The following EYS variants were observed in gnomAD, a reference collection of about 807,000 sequenced individuals.
EYS encodes the protein EGF-like photoreceptor maintenance factor, also known as protein eyes shut homolog.
In EYS, 250 loss-of-function variants were observed where a neutral mutation model predicts 282.1. That is an observed-to-expected ratio of 0.89 (90% CI 0.80 to 0.98). The LOEUF (loss-of-function observed/expected upper bound fraction) is 0.98. Ranked by LOEUF, EYS falls within the 50% of genes least tolerant of loss-of-function variation. EYS has a pLI of 0.00. For missense variants in EYS, 4,016 were observed against 3,709.0 expected, an observed-to-expected ratio of 1.08 and a Z score of -2.15; for synonymous variants, 1,355 against 1,282.9, an observed-to-expected ratio of 1.06 and a Z score of -1.20.
chr6:65,275,643 T>A (rs1470773762), intron 12 of EYS, among the ~76,000 whole-genome samples: 1 of 152,156 alleles, frequency 6.6e-6, no homozygotes, highest in African/African-American at 2.4e-5. Context: ...CATATATGGA[T>A]TCATGGGCTG....
At chr6:65,635,786 G>T (rs1211132554) in intron 2 of EYS, among the ~76,000 whole-genome samples, 1 of 152,020 alleles carries the variant, frequency 6.6e-6, no homozygotes, top group Non-Finnish European at 1.5e-5. Context: ...CAGGTTTTTT[G>T]CCTGTCTGAC....
chr6:64,334,140 T>C (rs1298501911), intron 29 of EYS, among the ~76,000 whole-genome samples: 2 of 152,204 alleles, frequency 1.3e-5, no homozygotes, highest in Non-Finnish European at 2.9e-5. Context: ...ACAATTCCTC[T>C]GTGTCAGACT....
At chr6:64,422,653 C>T (rs1774272852) in intron 28 of EYS, among the ~76,000 whole-genome samples, 1 of 152,200 alleles carries the variant, frequency 6.6e-6, no homozygotes, top group Non-Finnish European at 1.5e-5. Flanking sequence ...GTAATCTTCA[C>T]ATGATTATTA....
chr6:64,567,970 T>C (rs1398444256), intron 26 of EYS, among the ~76,000 whole-genome samples: 1 of 152,144 alleles, frequency 6.6e-6, no homozygotes, highest in African/African-American at 2.4e-5. Context: ...AAGTCTCTGG[T>C]CTTCTGCACA....
chr6:65,182,325 T>G (rs1765408993), intron 12 of EYS, among the ~76,000 whole-genome samples: 1 of 151,498 alleles, frequency 6.6e-6, no homozygotes, highest in South Asian at 2.1e-4. Context: ...CAATAGGCTA[T>G]TAATGAAACT....
At chr6:65,332,200 T>C (rs1184065185) in intron 11 of EYS, 1 of 528,974 alleles carries the variant, frequency 1.9e-6, no homozygotes, top group African/African-American at 1.9e-5. Flanking sequence ...GTTTGTTTCA[T>C]AAAGTGTTGT....
At chr6:65,487,025 G>A (rs940497410) in intron 5 of EYS, among the ~76,000 whole-genome samples, 3 of 152,100 alleles carry the variant, frequency 2.0e-5, no homozygotes, top group Non-Finnish European at 1.5e-5. Flanking sequence ...CAATGATTTT[G>A]TATCCTGAGA....
chr6:63,896,492 C>T (rs1581948196), intron 35 of EYS, among the ~76,000 whole-genome samples: 1 of 152,166 alleles, frequency 6.6e-6, no homozygotes, highest in Non-Finnish European at 1.5e-5. Flanking sequence ...CATGTACAGC[C>T]TTCCTCAATA....
intron 29 of EYS, among the ~76,000 whole-genome samples, chr6:64,361,432 C>T (rs2150408789): frequency 6.6e-6 from 1 of 151,868 alleles, no homozygotes; most frequent in South Asian, 2.1e-4. Context: ...GCCAGGGAAG[C>T]ATTCACAATG....
At chr6:63,726,084 C>A (rs1768603403) in intron 42 of EYS, among the ~76,000 whole-genome samples, 1 of 152,084 alleles carries the variant, frequency 6.6e-6, no homozygotes, top group Non-Finnish European at 1.5e-5. Context: ...GTAAGCATTT[C>A]AGAACACAAA....
chr6:63,962,202 A>G (rs917324700), intron 35 of EYS, among the ~76,000 whole-genome samples: 1 of 152,226 alleles, frequency 6.6e-6, no homozygotes, highest in African/African-American at 2.4e-5. Context: ...GGCATGGGCA[A>G]GGACTTCATG....
At chr6:64,702,356 A>G (rs1190591274) in intron 22 of EYS, among the ~76,000 whole-genome samples, 1 of 152,100 alleles carries the variant, frequency 6.6e-6, no homozygotes, top group East Asian at 1.9e-4. Context: ...TCAATGTAGG[A>G]CCAAGACAAA....
intron 35 of EYS, among the ~76,000 whole-genome samples, chr6:63,945,340 GA>G (rs2149760714): frequency 6.6e-6 from 1 of 152,102 alleles, no homozygotes; most frequent in African/African-American, 2.4e-5. Context: ...TAGCATGGGG[GA>G]AACTGCCCCC....
At chr6:64,210,201 C>A (rs771213357) in intron 31 of EYS, among the ~76,000 whole-genome samples, 9 of 152,160 alleles carry the variant, frequency 5.9e-5, no homozygotes, top group African/African-American at 9.7e-5. Flanking sequence ...CGATCATTAG[C>A]ATTTTCCAAA....
Position 64,590,706 on chromosome 6 carries a change from T to G in EYS, c.5161A>C (p.Ser1721Arg). ...MGPTEVLNQE[S>R]LLDMEKSKGS... ...TTACTTTTTTCCATGTCCAATAAGC[T>G]CTCTTGATTTAGTACCTCAGTGGGT... The change falls in exon 26 of 43, where the codon AGC becomes CGC. Residue 1721 changes from serine (S) to arginine (R), a missense_variant. Transcript: ENST00000503581. 6.4e-7 allele frequency: 1 copy of G among 1,551,068 alleles called. No individual in the cohort carries two copies. Among genetic ancestry groups the G allele is most frequent in the Non-Finnish European group, 8.7e-7 (1 of 1,146,558 alleles).
At chr6:65,362,816 T>G (rs971216132) in intron 8 of EYS, among the ~76,000 whole-genome samples, 16 of 152,082 alleles carry the variant, frequency 1.1e-4, no homozygotes, top group Admixed American at 1.1e-3. Context: ...TGTATTTATT[T>G]TTTCTCAAGG....
intron 26 of EYS, among the ~76,000 whole-genome samples, chr6:64,541,686 G>T (rs1438316323): frequency 1.3e-5 from 2 of 152,078 alleles, no homozygotes; most frequent in African/African-American, 4.8e-5. Flanking sequence ...TTTCAGGAAA[G>T]GTTCTTTTTC....
At chr6:64,273,704 T>C (rs917504495) in intron 30 of EYS, among the ~76,000 whole-genome samples, 10 of 152,182 alleles carry the variant, frequency 6.6e-5, no homozygotes, top group Non-Finnish European at 1.2e-4. Context: ...GTCCTCTTAA[T>C]CTAGCTGGGT....
chr6:65,469,221 C>T (rs1322446319), intron 5 of EYS, among the ~76,000 whole-genome samples: 1 of 151,958 alleles, frequency 6.6e-6, no homozygotes, highest in Non-Finnish European at 1.5e-5. Context: ...TTATATAATA[C>T]ATCAAATTTT....
Sources: allele counts gnomAD v4.1 joint callset (sites outside exome capture counted in the v4.1 genomes callset), GRCh38; gene constraint gnomAD v4.1.1; transcripts MANE v1.5; gene names NCBI Gene and HGNC (gene_info 2026-07-23, HGNC 2026-07-21).